The following CLPB variants were observed in gnomAD, a reference collection of about 807,000 sequenced individuals.
CLPB encodes the protein mitochondrial disaggregase.
In CLPB, 40 loss-of-function variants were observed where a neutral mutation model predicts 78.4. The observed-to-expected ratio is 0.51, with a 90% confidence interval of 0.40 to 0.66. The LOEUF (loss-of-function observed/expected upper bound fraction) is 0.66. Among genes scored for constraint, CLPB ranks in the 30% least tolerant of loss-of-function variants. CLPB has a pLI of 0.00. For missense variants in CLPB, 780 were observed against 886.9 expected (o/e 0.88, Z 1.53); for synonymous variants, 333 against 348.0 (o/e 0.96, Z 0.48).
chr11:72,330,771 C>G (rs1199828435), intron 5 of CLPB, among the ~76,000 whole-genome samples: 4 of 152,084 alleles, frequency 2.6e-5, no homozygotes, highest in Non-Finnish European at 1.5e-5. Flanking sequence ...ACAGCAGATG[C>G]TTAATAAATG....
intron 4 of CLPB, among the ~76,000 whole-genome samples, chr11:72,378,335 T>G (rs1176712331): frequency 6.6e-6 from 1 of 152,214 alleles, no homozygotes. Flanking sequence ...AAAAGAGGTT[T>G]AATTGGACTT....
intron 4 of CLPB, among the ~76,000 whole-genome samples, chr11:72,361,450 T>C (rs1339762156): frequency 1.3e-5 from 2 of 152,190 alleles, no homozygotes; most frequent in East Asian, 3.9e-4. Flanking sequence ...TATCAAATCA[T>C]GCTAGGTGAT....
chr11:72,412,600 C>T (rs1042489852), intron 2 of CLPB, among the ~76,000 whole-genome samples: 1 of 152,190 alleles, frequency 6.6e-6, no homozygotes, highest in African/African-American at 2.4e-5. Context: ...CTGTCTCTTC[C>T]AGGCTGTGTG....
chr11:72,421,734 T>A (rs766225244), intron 2 of CLPB, among the ~76,000 whole-genome samples: 1 of 152,196 alleles, frequency 6.6e-6, no homozygotes, highest in Non-Finnish European at 1.5e-5. Flanking sequence ...GTTGACCACC[T>A]GCTCCCACAA....
intron 10 of CLPB, 158 bp downstream of exon 10, chr11:72,302,146 C>T: frequency 1.0e-6 from 1 of 969,048 alleles, no homozygotes; most frequent in South Asian, 1.5e-5. Flanking sequence ...CAGAGCAAAT[C>T]CTATGTGAAA....
intron 6 of CLPB, among the ~76,000 whole-genome samples, chr11:72,323,689 AAAG>A (rs1220655034): frequency 6.6e-6 from 1 of 152,128 alleles, no homozygotes; most frequent in Non-Finnish European, 1.5e-5. Flanking sequence ...ATTCCAGATT[AAAG>A]AAGGTTAAAG....
At chr11:72,297,274 G>C (rs1288428488) in intron 11 of CLPB, among the ~76,000 whole-genome samples, 4 of 152,254 alleles carry the variant, frequency 2.6e-5, no homozygotes, top group Non-Finnish European at 5.9e-5. Flanking sequence ...GTTAGCCCTT[G>C]CTTCTAAAGC....
Position 72,295,659 on chromosome 11 carries a change from A to G in CLPB, c.1330-11T>C. 6.2e-7 allele frequency: 1 copy of G among 1,613,566 alleles called. No individual in the cohort carries two copies. Among genetic ancestry groups the G allele is most frequent in the Non-Finnish European group, 8.5e-7 (1 of 1,179,854 alleles). On this transcript the variant is annotated splice_polypyrimidine_tract_variant and intron_variant, in intron 11 of 15. Coordinates refer to ENST00000538039, the MANE Select transcript of CLPB (RefSeq NM_001258392.3). ...ATCTGTCAGCCGGCCCTGGGAAGGG[A>G]AGGAAGGGAGTGTACAGTCAGGGAG... is the stretch of plus-strand genomic sequence containing the variant.
chr11:72,318,008 C>T (rs898687145), intron 6 of CLPB, among the ~76,000 whole-genome samples: 1 of 152,266 alleles, frequency 6.6e-6, no homozygotes, highest in African/African-American at 2.4e-5. Context: ...TACTTCGCAA[C>T]CATTTTCCTC....
chr11:72,370,088 T>C (rs1312457987), intron 4 of CLPB, among the ~76,000 whole-genome samples: 3 of 152,210 alleles, frequency 2.0e-5, no homozygotes, highest in Admixed American at 1.3e-4. Flanking sequence ...TCTCCCTTCC[T>C]GCTATCCATA....
At chr11:72,297,636 G>GGGGT (rs1949573978) in intron 11 of CLPB, among the ~76,000 whole-genome samples, 3 of 93,368 alleles carry the variant, frequency 3.2e-5, no homozygotes, top group Non-Finnish European at 7.4e-5. Flanking sequence ...TTGGGGACCA[G>GGGGT]GTGTGTGTGT....
At chr11:72,432,026 C>T (rs997796341) in intron 1 of CLPB, among the ~76,000 whole-genome samples, 3 of 152,172 alleles carry the variant, frequency 2.0e-5, no homozygotes, top group Non-Finnish European at 4.4e-5. Context: ...GCTCATGAAC[C>T]TTCCATAACT....
intron 2 of CLPB, among the ~76,000 whole-genome samples, chr11:72,405,526 T>C (rs1417470899): frequency 6.6e-6 from 1 of 152,206 alleles, no homozygotes; most frequent in African/African-American, 2.4e-5. Flanking sequence ...GTCTAAAGGT[T>C]TGACAGATTC....
At chr11:72,350,621 G>A (rs910144033) in intron 5 of CLPB, among the ~76,000 whole-genome samples, 1 of 152,202 alleles carries the variant, frequency 6.6e-6, no homozygotes, top group Non-Finnish European at 1.5e-5. Context: ...AGGAAGGGAA[G>A]AGAGAGGTTT....
intron 2 of CLPB, 130 bp from the exon 3 acceptor site, chr11:72,403,182 T>G: frequency 3.4e-6 from 3 of 881,470 alleles, no homozygotes; most frequent in South Asian, 3.1e-5. Context: ...GAAACAACCA[T>G]AGAAGAAATG....
At chr11:72,307,398 C>T in intron 8 of CLPB, 144 bp from the exon 9 acceptor site, 1 of 695,538 alleles carries the variant, frequency 1.4e-6, no homozygotes, top group East Asian at 2.7e-5. Flanking sequence ...AGCGACTCTC[C>T]CACAGTCACC....
chr11:72,293,560 G>T lies in CLPB; in HGVS notation c.1841C>A (p.Pro614Gln). Residue 614 changes from proline to glutamine, a missense_variant, in exon 16 of 16, where the codon CCA (proline) becomes CAA (glutamine). Coordinates refer to ENST00000538039, the MANE Select transcript of CLPB (RefSeq NM_001258392.3). Reference protein sequence around the residue: ...LAAAYEQDLLPGGCTLRITVE... With the variant: ...LAAAYEQDLLQGGCTLRITVE... ...CGTGATGCGCAAAGTACAGCCCCCTGGCAGCAGGTCCTGCTCATAGGCTGC... is the reference window on the plus strand; with the variant it reads ...CGTGATGCGCAAAGTACAGCCCCCTTGCAGCAGGTCCTGCTCATAGGCTGC... The T allele has an allele frequency of 6.2e-7, 1 of 1,614,032 alleles. No individual in the cohort carries two copies. The highest frequency in any genetic ancestry group is 1.1e-5 in the South Asian group (1 of 91,072).
intron 6 of CLPB, among the ~76,000 whole-genome samples, chr11:72,326,182 A>C (rs7940062): frequency 0.19 from 29,022 of 152,122 alleles, 4,660 homozygotes; most frequent in African/African-American, 0.44. Flanking sequence ...AAAACAGTAT[A>C]TATCATTGTT....
chr11:72,359,243 A>G (rs1340390948), intron 4 of CLPB: 1 of 668,408 alleles, frequency 1.5e-6, no homozygotes, highest in Non-Finnish European at 2.7e-6. Context: ...TCCTGGGGAC[A>G]TGAAATAGAT....
Sources: allele counts gnomAD v4.1 joint callset (sites outside exome capture counted in the v4.1 genomes callset), GRCh38; gene constraint gnomAD v4.1.1; transcripts MANE v1.5; gene names NCBI Gene and HGNC (gene_info 2026-07-23, HGNC 2026-07-21).